Variants in AGO4 observed in about 807,000 individuals in gnomAD.
AGO4 encodes protein argonaute-4.
In AGO4, 33 loss-of-function variants were observed where a neutral mutation model predicts 104.7. The observed-to-expected ratio is 0.32, with a 90% CI of 0.24 to 0.42. The LOEUF is 0.42. AGO4 is among the 10% of genes least tolerant of loss of function. AGO4 has a pLI of 1.00. For missense variants in AGO4, 711 were observed against 1,083.4 expected (o/e 0.66, Z 4.83); for synonymous variants, 331 against 364.7 (o/e 0.91, Z 1.05).
intron 15 of AGO4, among the ~76,000 whole-genome samples, chr1:35,843,151 G>T: frequency 6.6e-6 from 1 of 152,084 alleles, no homozygotes; most frequent in East Asian, 1.9e-4. Flanking sequence ...TGCAACCTCT[G>T]CCTCCCGAGG....
intron 13 of AGO4, among the ~76,000 whole-genome samples, chr1:35,838,741 A>T (rs747118178): frequency 1.1e-4 from 16 of 152,196 alleles, no homozygotes; most frequent in Non-Finnish European, 2.2e-4. Context: ...TCTGGGCCTC[A>T]GTTCCTTATC....
chr1:35,840,013 A>T (rs1160206674), intron 13 of AGO4, among the ~76,000 whole-genome samples: 1 of 150,848 alleles, frequency 6.6e-6, no homozygotes. Flanking sequence ...TTGTTTTGAG[A>T]TGGAGTCTTC....
At position 35,808,358 on chromosome 1, in the gene AGO4, C is replaced by G. The variant is rs2148642202; in HGVS notation, c.-59C>G. The stretch of plus-strand genomic sequence containing the variant: ...CGTTACGCGGCGGCGGCGGCGGCGG[C>G]GGCGGGGCCCGGAGCGGGAGGCGCC... On this transcript the variant is annotated 5_prime_UTR_variant, in exon 1 of 18. Transcript: ENST00000373210. The surrounding 1 kb of genome is among the most constrained non-coding windows in gnomAD (Gnocchi z 5.2). 4.1e-6 allele frequency: 4 copies of G among 976,712 alleles called. No individual in the cohort carries two copies. Among genetic ancestry groups the G allele is most frequent in the Non-Finnish European group, 3.7e-6 (3 of 817,028 alleles). 60.5% of individuals were successfully genotyped at this position (976,712 alleles called of 1,614,324 possible).
At position 35,825,427 on chromosome 1, in the gene AGO4, T is replaced by A; in HGVS notation, c.421T>A (p.Leu141Met). 2 of 1,614,210 alleles carry A rather than the reference T, an allele frequency of 1.2e-6. No homozygotes were observed. Among genetic ancestry groups the A allele is most frequent in the Non-Finnish European group, 1.7e-6 (2 of 1,180,032 alleles). Reference protein sequence around the residue: ...QLLLEALAGHLNEVPDDSVQA... With the variant: ...QLLLEALAGHMNEVPDDSVQA... Reference sequence around the variant, plus strand: ...GCTTTTAGAAGCTTTGGCTGGGCACTTGAATGAAGTCCCAGATGACTCAGT... The same window carrying A: ...GCTTTTAGAAGCTTTGGCTGGGCACATGAATGAAGTCCCAGATGACTCAGT... The change falls in exon 4 of 18, where the codon TTG (leucine) becomes ATG (methionine). Residue 141 changes from leucine to methionine, a missense_variant. Coordinates refer to ENST00000373210, the MANE Select transcript of AGO4 (RefSeq NM_017629.4).
chr1:35,832,292 C>CATT (rs1644204287), intron 10 of AGO4, 107 bp downstream of exon 10: 1 of 1,536,530 alleles, frequency 6.5e-7, no homozygotes, highest in Admixed American at 2.2e-5. Flanking sequence ...TAGTTTTGTT[C>CATT]ATTATTGCCT....
At chr1:35,826,133 C>T in intron 6 of AGO4, 73 bp downstream of exon 6, 1 of 1,576,486 alleles carries the variant, frequency 6.3e-7, no homozygotes, top group Non-Finnish European at 8.6e-7. Flanking sequence ...TCTGGAGTCA[C>T]ACAGACCTGG....
At chr1:35,850,780 C>CAAAAAAAAAAAAAAAAAAAAAA in intron 16 of AGO4, 74 bp from the exon 17 acceptor site, 1 of 536,062 alleles carries the variant, frequency 1.9e-6, no homozygotes, top group Non-Finnish European at 2.7e-6. Context: ...GACTCCATCT[C>CAAAAAAAAAAAAAAAAAAAAAA]AAAAAAAAAA....
rs1178646615 is a variant in AGO4 at position 35,856,561 on chromosome 1, TGG to T, written c.*2957_*2958del. ...AAGTGGGGACATTGGCCGGGCGCGG[TGG>T]CTCACGCCTGTAATTCCAGCACTTT... On this transcript the variant is annotated 3_prime_UTR_variant, in exon 18 of 18. Coordinates refer to ENST00000373210, the MANE Select transcript of AGO4 (RefSeq NM_017629.4). The T allele has an allele frequency of 6.6e-6, 1 of 152,348 alleles. No individual in the cohort carries two copies. Among genetic ancestry groups the T allele is most frequent in the East Asian group, 1.9e-4 (1 of 5,206 alleles). The allele number at this position is 152,348 out of a possible 1,614,324, so 9.4% of individuals were successfully genotyped here. A position where few individuals can be genotyped will look rare whatever the true frequency, so the allele number is the denominator to read the frequency against.
At chr1:35,836,685 A>T (rs1476315568) in intron 13 of AGO4, among the ~76,000 whole-genome samples, 1 of 152,222 alleles carries the variant, frequency 6.6e-6, no homozygotes, top group Admixed American at 6.5e-5. Flanking sequence ...CTGGGATTAC[A>T]GGCGTGAGCC....
chr1:35,822,974 C>A lies in AGO4; in HGVS notation c.298C>A (p.Arg100=), dbSNP rs545951478. The change falls in exon 3 of 18, where the codon CGG becomes AGG. Residue 100 remains arginine (R), a synonymous_variant. Coordinates refer to ENST00000373210, the MANE Select transcript of AGO4 (RefSeq NM_017629.4). ...MYTAHPLPIG[R]DRVDMEVTLP... ...CACAGCACATCCACTACCAATTGGA[C>A]GGGATAGGGTAAGTGTTAAGAGCAA... 2.5e-6 allele frequency: 4 copies of A among 1,613,712 alleles called. No homozygotes were observed. Among genetic ancestry groups the A allele is most frequent in the Admixed American group, 3.3e-5 (2 of 59,986 alleles).
At chr1:35,815,166 C>G (rs1643652526) in intron 1 of AGO4, among the ~76,000 whole-genome samples, 1 of 152,220 alleles carries the variant, frequency 6.6e-6, no homozygotes, top group Non-Finnish European at 1.5e-5. Flanking sequence ...GTGTGAGCCA[C>G]CACGCCTGGC....
At chr1:35,845,254 G>A (rs1318293691) in intron 15 of AGO4, among the ~76,000 whole-genome samples, 3 of 126,658 alleles carry the variant, frequency 2.4e-5, no homozygotes, top group African/African-American at 8.8e-5. Flanking sequence ...TTTTAAGATA[G>A]AGTTTCACTC....
intron 12 of AGO4, among the ~76,000 whole-genome samples, chr1:35,834,912 T>C (rs1378559384): frequency 6.6e-6 from 1 of 152,002 alleles, no homozygotes; most frequent in East Asian, 1.9e-4. Context: ...CCCAGGATGG[T>C]CTTGAACTCC....
At chr1:35,832,381 TTTCTC>T in intron 10 of AGO4, 51 bp from the exon 11 acceptor site, 4 of 1,523,378 alleles carry the variant, frequency 2.6e-6, no homozygotes, top group South Asian at 2.6e-5. Flanking sequence ...TGTAATGTCT[TTTCTC>T]TTTTCTTTTG....
chr1:35,845,173 GAAA>G (rs1644539613), intron 15 of AGO4, among the ~76,000 whole-genome samples: 1 of 10,370 alleles, frequency 9.6e-5, no homozygotes, highest in Non-Finnish European at 1.8e-4. Context: ...TTTTTTTTTT[GAAA>G]TGGAGTTTCT....
intron 1 of AGO4, among the ~76,000 whole-genome samples, chr1:35,814,070 A>T (rs1643607361): frequency 6.7e-6 from 1 of 149,482 alleles, no homozygotes; most frequent in African/African-American, 2.5e-5. Context: ...GTGAGACTCC[A>T]TCTCAAAAAA....
upstream of AGO4, among the ~76,000 whole-genome samples, chr1:35,807,944 A>T (rs1422900546): frequency 6.6e-6 from 1 of 151,748 alleles, no homozygotes; most frequent in Non-Finnish European, 1.5e-5. Context: ...CCTCGGGTGG[A>T]CGGGGCAGAG....
At chr1:35,831,737 T>C in intron 8 of AGO4, 75 bp from the exon 9 acceptor site, 1 of 1,582,062 alleles carries the variant, frequency 6.3e-7, no homozygotes, top group South Asian at 1.2e-5. Flanking sequence ...AAATAGAGGA[T>C]ATAAGATATG....
chr1:35,857,610 G>A lies in AGO4; in HGVS notation c.*4005G>A, dbSNP rs961527527. The stretch of plus-strand genomic sequence containing the variant: ...ATTTTGCAATTTTTTTTGGCCTGCA[G>A]GGATATTTTGTGTTTATGTGTCCAA... On this transcript the variant is annotated 3_prime_UTR_variant, in exon 18 of 18. Coordinates refer to ENST00000373210, the MANE Select transcript of AGO4 (RefSeq NM_017629.4). 28 of 152,154 alleles carry A rather than the reference G, an allele frequency of 1.8e-4. No individual in the cohort carries two copies. Among genetic ancestry groups the A allele is most frequent in the African/African-American group, 6.8e-4 (28 of 41,442 alleles). 9.4% of individuals were successfully genotyped at this position (152,154 alleles called of 1,614,324 possible). A position where few individuals can be genotyped will look rare whatever the true frequency, so the allele number is the denominator to read the frequency against.
Sources: gnomAD v4.1 joint callset for allele counts (sites outside exome capture counted in the v4.1 genomes callset) on GRCh38, gnomAD v4.1.1 for gene constraint, Gnocchi (gnomAD v3.1) non-coding constraint, MANE v1.5 for transcripts, NCBI Gene and HGNC (gene_info 2026-07-23, HGNC 2026-07-21) for gene names.